The following YWHAZ variants were observed in gnomAD, a reference collection of about 807,000 sequenced individuals.
YWHAZ encodes 14-3-3 protein zeta/delta.
For missense variants in YWHAZ, 79 were observed against 284.8 expected (o/e 0.28, Z 5.20); for synonymous variants, 87 against 103.6 (o/e 0.84, Z 0.97).
chr8:100,952,682 G>C (rs893375234), upstream of YWHAZ: 9 of 637,422 alleles, frequency 1.4e-5, no homozygotes, highest in African/African-American at 1.8e-4. Context: ...ATTGTGATCA[G>C]GACTTGCGGG....
intron 2 of YWHAZ, chr8:100,934,893 T>C (rs2130230666): frequency 6.6e-6 from 1 of 152,266 alleles, no homozygotes; most frequent in East Asian, 1.9e-4. Context: ...GCAGCTTTAT[T>C]TTTTCCTTCT....
Position 100,941,823 on chromosome 8 carries a change from AAAC to A in YWHAZ, c.294+6770_294+6772del, listed in dbSNP as rs200767230. ...AACAAAAAACGACAAAAAAAAAAAA[AAAC>A]ATCTCTAACTTCCCAACTCATTAAA... On this transcript the variant is annotated intron_variant, in intron 2 of 5. Coordinates refer to ENST00000395958, the MANE Select transcript of YWHAZ (RefSeq NM_145690.3). 4.4e-3 allele frequency among the ~76,000 whole-genome samples: 558 copies of A among 127,034 alleles called. 2 individuals are homozygous for A. The highest frequency in any genetic ancestry group is 9.4e-3 in the Admixed American group (112 of 11,942). 83.3% of individuals were successfully genotyped at this position (127,034 alleles called of 152,430 possible).
intron 2 of YWHAZ, among the ~76,000 whole-genome samples, chr8:100,940,472 G>A (rs1267143231): frequency 6.6e-5 from 10 of 152,038 alleles, no homozygotes; most frequent in Admixed American, 3.9e-4. Flanking sequence ...ATTTGTGCAC[G>A]TCTATTTCCC....
At chr8:100,950,931 G>A (rs961424268) in intron 1 of YWHAZ, 17 of 170,086 alleles carry the variant, frequency 1.0e-4, no homozygotes, top group African/African-American at 3.8e-4. Flanking sequence ...CAGGATATGC[G>A]TCCCCAAACC....
intron 2 of YWHAZ, among the ~76,000 whole-genome samples, chr8:100,941,974 T>C (rs1809897728): frequency 6.6e-6 from 1 of 152,216 alleles, no homozygotes. Context: ...GCAAATCTTA[T>C]GTTGGTCCGC....
intron 2 of YWHAZ, among the ~76,000 whole-genome samples, chr8:100,937,455 T>G (rs1814232918): frequency 6.6e-6 from 1 of 152,198 alleles, no homozygotes; most frequent in African/African-American, 2.4e-5. Context: ...TAAATTTAAT[T>G]CGCACAAAGA....
chr8:100,924,802 C>T lies in YWHAZ; in HGVS notation c.418+114G>A. 2.2e-6 allele frequency: 3 copies of T among 1,342,062 alleles called. No homozygotes were observed. The highest frequency in any genetic ancestry group is 3.1e-6 in the Non-Finnish European group (3 of 972,962). The allele number at this position is 1,342,062 out of a possible 1,614,324, so 83.1% of individuals were successfully genotyped here. On this transcript the variant is annotated intron_variant, in intron 3 of 5. Coordinates refer to ENST00000395958, the MANE Select transcript of YWHAZ (RefSeq NM_145690.3). The surrounding 1 kb of genome is among the most constrained non-coding windows in gnomAD (Gnocchi z 5.7). Reference sequence around the variant, plus strand: ...TCTCAGAACACAAAGAGCACTGCTACTCCTTATTCGGCACTCTAAGCAATT... The same window carrying T: ...TCTCAGAACACAAAGAGCACTGCTATTCCTTATTCGGCACTCTAAGCAATT...
At chr8:100,947,097 C>CA (rs1810343588) in intron 2 of YWHAZ, among the ~76,000 whole-genome samples, 1 of 150,812 alleles carries the variant, frequency 6.6e-6, no homozygotes, top group Admixed American at 6.6e-5. Context: ...ACTAAAAATA[C>CA]AAAAAAATTA....
At chr8:100,929,977 A>C (rs1399390479) in intron 2 of YWHAZ, among the ~76,000 whole-genome samples, 3 of 152,204 alleles carry the variant, frequency 2.0e-5, no homozygotes, top group Admixed American at 6.5e-5. Context: ...ACAGAAATAA[A>C]CCTCCTAAAT....
At chr8:100,941,328 T>A (rs781573877) in intron 2 of YWHAZ, among the ~76,000 whole-genome samples, 1 of 152,220 alleles carries the variant, frequency 6.6e-6, no homozygotes, top group Admixed American at 6.5e-5. Flanking sequence ...TGAGTGTTCA[T>A]AAGTCTTGGA....
chr8:100,939,504 C>T (rs1438463346), intron 2 of YWHAZ, among the ~76,000 whole-genome samples: 10 of 151,504 alleles, frequency 6.6e-5, no homozygotes, highest in Non-Finnish European at 4.4e-5. Flanking sequence ...TACTAAAATA[C>T]AAAAATCAGC....
chr8:100,949,502 CAACT>C (rs1164088528), intron 1 of YWHAZ, among the ~76,000 whole-genome samples: 39 of 152,028 alleles, frequency 2.6e-4, no homozygotes, highest in African/African-American at 7.5e-4. Context: ...GGGGAATGAC[CAACT>C]GTTTGTTTTC....
At position 100,950,657 on chromosome 8, in the gene YWHAZ, T is replaced by TGGGG. The variant is rs1554618210; in HGVS notation, c.-12+1268_-12+1271dup. Reference sequence around the variant, plus strand: ...GCAGCCCGCGCCCCCGCCCAAGCCGTGGGGGGGGGGGAGAGATGGGGAGCG... The same window carrying TGGGG: ...GCAGCCCGCGCCCCCGCCCAAGCCGTGGGGGGGGGGGGGGGAGAGATGGGGAGCG... On this transcript the variant is annotated intron_variant, in intron 1 of 5. Coordinates refer to ENST00000395958, the MANE Select transcript of YWHAZ (RefSeq NM_145690.3). 14 of 722,734 alleles carry TGGGG rather than the reference T, an allele frequency of 1.9e-5. No individual in the cohort carries two copies. In the African/African-American group the frequency reaches 3.4e-4, roughly 17 times the overall value. The allele number at this position is 722,734 out of a possible 1,614,324, so 44.8% of individuals were successfully genotyped here.
intron 2 of YWHAZ, among the ~76,000 whole-genome samples, chr8:100,938,072 G>A (rs1423730390): frequency 6.6e-6 from 1 of 152,182 alleles, no homozygotes; most frequent in East Asian, 1.9e-4. Context: ...AGAGGTTGCG[G>A]TGAGCCAAGA....
chr8:100,916,806 TCAG>T lies in YWHAZ; in HGVS notation c.*3884_*3886del, dbSNP rs1812730181. ...TTGGACATCCTGTTACAATCTATATTCAGGTCTCTCCACTTTGAAAAGGAACTA... is the reference window on the plus strand; with the variant it reads ...TTGGACATCCTGTTACAATCTATATTGTCTCTCCACTTTGAAAAGGAACTA... On this transcript the variant is annotated 3_prime_UTR_variant, in exon 6 of 6. Coordinates refer to ENST00000395958, the MANE Select transcript of YWHAZ (RefSeq NM_145690.3). 6.6e-6 allele frequency: 1 copy of T among 152,204 alleles called. No homozygotes were observed. The highest frequency in any genetic ancestry group is 6.5e-5 in the Admixed American group (1 of 15,280). The allele number at this position is 152,204 out of a possible 1,614,324, so 9.4% of individuals were successfully genotyped here.
At chr8:100,935,485 C>G (rs17365808) in intron 2 of YWHAZ, among the ~76,000 whole-genome samples, 6,180 of 152,232 alleles carry the variant, frequency 0.041, 148 homozygotes, top group Non-Finnish European at 0.057. Context: ...AATGAATATT[C>G]TGCTGTAAGA....
chr8:100,929,468 G>C (rs535023199), intron 2 of YWHAZ, among the ~76,000 whole-genome samples: 9 of 152,178 alleles, frequency 5.9e-5, no homozygotes, highest in Non-Finnish European at 1.2e-4. Context: ...CCAAAGTGCT[G>C]GGAATACAGG....
Position 100,948,238 on chromosome 8 carries a change from C to T in YWHAZ, c.294+358G>A. ...TCTCTTACCTAAAGTATGTAAAATT[C>T]CTTTATCCACAGATGTACATTTAAG... On this transcript the variant is annotated intron_variant, in intron 2 of 5. Transcript: ENST00000395958. The surrounding 1 kb of genome is among the most constrained non-coding windows in gnomAD (Gnocchi z 4.2). 1.8e-6 allele frequency: 2 copies of T among 1,105,608 alleles called. No homozygotes were observed. The highest frequency in any genetic ancestry group is 1.6e-5 in the African/African-American group (1 of 63,338). 68.5% of individuals were successfully genotyped at this position (1,105,608 alleles called of 1,614,324 possible).
chr8:100,939,688 T>A, intron 2 of YWHAZ, among the ~76,000 whole-genome samples: 1 of 150,904 alleles, frequency 6.6e-6, no homozygotes, highest in East Asian at 2.0e-4. Context: ...AAAAGGAACA[T>A]CTGAAAACAA....
Sources: allele counts gnomAD v4.1 joint callset (sites outside exome capture counted in the v4.1 genomes callset), GRCh38; gene constraint gnomAD v4.1.1; non-coding constraint Gnocchi (gnomAD v3.1); transcripts MANE v1.5; gene names NCBI Gene and HGNC (gene_info 2026-07-23, HGNC 2026-07-21).